The following PTPRD variants were observed in gnomAD, a reference collection of about 807,000 sequenced individuals.
PTPRD encodes protein tyrosine phosphatase receptor type D.
A neutral mutation model predicts 214.5 loss-of-function variants in PTPRD; 34 were observed. That is an observed-to-expected ratio of 0.16 (90% CI 0.12 to 0.21). PTPRD has a LOEUF of 0.21. Among genes scored for constraint, PTPRD ranks in the 10% least tolerant of loss-of-function variants. The pLI is 1.00. For missense variants in PTPRD, 2,545 were observed against 2,398.7 expected (o/e 1.06, Z -1.27); for synonymous variants, 1,128 against 845.7 (o/e 1.33, Z -5.79).
chr9:9,461,605 G>A (rs893994064), intron 8 of PTPRD, among the ~76,000 whole-genome samples: 1 of 152,054 alleles, frequency 6.6e-6, no homozygotes, highest in Non-Finnish European at 1.5e-5. Context: ...AGAGCTAGGG[G>A]TCTATTCAGG....
At chr9:8,688,133 T>C (rs2097722313) in intron 12 of PTPRD, among the ~76,000 whole-genome samples, 1 of 152,242 alleles carries the variant, frequency 6.6e-6, no homozygotes, top group African/African-American at 2.4e-5. Flanking sequence ...TTTACAATGC[T>C]GAATAAATGT....
chr9:8,876,220 G>A (rs1301453645), intron 11 of PTPRD, among the ~76,000 whole-genome samples: 2 of 120,526 alleles, frequency 1.7e-5, no homozygotes, highest in East Asian at 4.8e-4. Context: ...GAGTATGTGT[G>A]TGTGTGTTGT....
At chr9:8,520,323 G>C (rs2097862676) in intron 20 of PTPRD, among the ~76,000 whole-genome samples, 1 of 152,068 alleles carries the variant, frequency 6.6e-6, no homozygotes, top group Non-Finnish European at 1.5e-5. Context: ...CATGTCATTA[G>C]TTTTATATAG....
intron 4 of PTPRD, among the ~76,000 whole-genome samples, chr9:9,948,391 A>G (rs2093054055): frequency 6.6e-6 from 1 of 152,064 alleles, no homozygotes; most frequent in Non-Finnish European, 1.5e-5. Context: ...ATTTGGCCTC[A>G]CCGTACTCCA....
At chr9:10,056,179 G>C (rs762072530) in intron 3 of PTPRD, among the ~76,000 whole-genome samples, 2 of 151,896 alleles carry the variant, frequency 1.3e-5, no homozygotes, top group Non-Finnish European at 2.9e-5. Context: ...AAATTAGGTA[G>C]ACATGGTGGC....
At chr9:10,385,884 T>G (rs1458363734) in intron 2 of PTPRD, among the ~76,000 whole-genome samples, 1 of 151,848 alleles carries the variant, frequency 6.6e-6, no homozygotes, top group African/African-American at 2.4e-5. Context: ...CTTTTTATGA[T>G]TATAAGAGAT....
At chr9:8,406,958 T>C (rs1288019670) in intron 35 of PTPRD, among the ~76,000 whole-genome samples, 1 of 152,212 alleles carries the variant, frequency 6.6e-6, no homozygotes, top group Non-Finnish European at 1.5e-5. Context: ...CTTGTTTTAC[T>C]TAGACTAAGA....
At chr9:9,010,279 A>G (rs1010773799) in intron 11 of PTPRD, among the ~76,000 whole-genome samples, 2 of 152,250 alleles carry the variant, frequency 1.3e-5, no homozygotes, top group Non-Finnish European at 2.9e-5. Context: ...AAATCAGACT[A>G]TGAACAAAAG....
chr9:9,994,165 C>T (rs1588423196), intron 4 of PTPRD, among the ~76,000 whole-genome samples: 2 of 152,128 alleles, frequency 1.3e-5, no homozygotes, highest in East Asian at 3.9e-4. Context: ...TTGTCCATAA[C>T]CACGGACCTA....
At chr9:10,228,237 G>A (rs976252342) in intron 3 of PTPRD, among the ~76,000 whole-genome samples, 4 of 151,974 alleles carry the variant, frequency 2.6e-5, no homozygotes, top group Non-Finnish European at 5.9e-5. Flanking sequence ...CAAGTAATGG[G>A]CTTATTTCCA....
rs553904942 is a variant in PTPRD at position 8,327,420 on chromosome 9, C to G, written c.5534+4162G>C. Among the ~76,000 whole-genome samples, 14 of 151,560 alleles carry G rather than the reference C, an allele frequency of 9.2e-5. No individual in the cohort carries two copies. The South Asian group carries it at 3.0e-3, about 32-fold the overall frequency. On this transcript the variant is annotated intron_variant, in intron 44 of 45. Transcript: ENST00000381196. ...GAGACTGTTTGTTATGATTTCTGTT[C>G]TTTTGCATTTGCTGAGGAGTGTTTT... is the stretch of plus-strand genomic sequence containing the variant.
chr9:8,944,144 G>A (rs1229377460), intron 11 of PTPRD, among the ~76,000 whole-genome samples: 1 of 151,916 alleles, frequency 6.6e-6, no homozygotes, highest in Non-Finnish European at 1.5e-5. Context: ...AAAGGAATAT[G>A]GAAAGATGCT....
chr9:10,467,570 A>G lies in PTPRD; in HGVS notation c.-599-126553T>C, dbSNP rs117565436. ...TTTATTACTTACACAAAATTTTTAA[A>G]TATATAAACGTGTGTGTACATGTGT... On this transcript the variant is annotated intron_variant, in intron 2 of 45. Transcript: ENST00000381196. Among the ~76,000 whole-genome samples the G allele has an allele frequency of 6.2e-3, 946 of 152,304 alleles. 1 individual carries two copies. Among genetic ancestry groups the G allele is most frequent in the Non-Finnish European group, 8.9e-3 (605 of 68,010 alleles).
At position 9,949,867 on chromosome 9, in the gene PTPRD, C is replaced by T. The variant is rs1018189300; in HGVS notation, c.-471-11257G>A. Among the ~76,000 whole-genome samples the T allele has an allele frequency of 1.1e-4, 16 of 152,174 alleles. 1 individual carries two copies. Among genetic ancestry groups the T allele is most frequent in the South Asian group, 1.0e-3 (5 of 4,820 alleles). ...TAAAGGAAATTGAATCTTTGATGAC[C>T]GCATTGAGTTATTGAATCATGGCTC... On this transcript the variant is annotated intron_variant, in intron 4 of 45. Transcript: ENST00000381196.
intron 2 of PTPRD, among the ~76,000 whole-genome samples, chr9:10,382,528 T>C (rs554280485): frequency 1.4e-4 from 21 of 152,022 alleles, no homozygotes; most frequent in African/African-American, 4.6e-4. Context: ...TGCTTTTATG[T>C]TGTAGAATAG....
chr9:8,832,025 A>G (rs11791648), intron 11 of PTPRD, among the ~76,000 whole-genome samples: 23,111 of 152,078 alleles, frequency 0.15, 2,122 homozygotes, highest in East Asian at 0.24. Flanking sequence ...GCAACAATGA[A>G]AAGTGTTTGC....
intron 3 of PTPRD, among the ~76,000 whole-genome samples, chr9:10,217,452 A>G (rs914482156): frequency 1.3e-5 from 2 of 151,894 alleles, no homozygotes; most frequent in African/African-American, 4.8e-5. Flanking sequence ...AGGGATGTGA[A>G]CAGAAGGCAA....
chr9:8,559,084 T>C (rs1284868545), intron 14 of PTPRD, among the ~76,000 whole-genome samples: 2 of 152,206 alleles, frequency 1.3e-5, no homozygotes, highest in African/African-American at 4.8e-5. Flanking sequence ...AAATTGTTTT[T>C]ATTCTGACTG....
chr9:10,050,737 C>T (rs2097521594), intron 3 of PTPRD, among the ~76,000 whole-genome samples: 1 of 151,862 alleles, frequency 6.6e-6, no homozygotes, highest in East Asian at 1.9e-4. Context: ...CCATGGAACT[C>T]TCCCAAATGT....
Sources: allele counts gnomAD v4.1 joint callset (sites outside exome capture counted in the v4.1 genomes callset), GRCh38; gene constraint gnomAD v4.1.1; transcripts MANE v1.5; gene names NCBI Gene and HGNC (gene_info 2026-07-23, HGNC 2026-07-21).